ANKRD18B: variants seen among roughly 807,000 people sequenced by gnomAD.
ANKRD18B encodes ankyrin repeat domain-containing protein 18B.
In ANKRD18B, 75 loss-of-function variants were observed where a neutral mutation model predicts 111.8. The ratio of observed to expected loss-of-function variants is 0.67; its 90% CI spans 0.56 to 0.81. The LOEUF (loss-of-function observed/expected upper bound fraction) is 0.81. ANKRD18B is among the 40% of genes least tolerant of loss of function. The pLI is 0.00. For synonymous variants in ANKRD18B, 356 were observed against 417.3 expected (o/e 0.85, Z 1.79); for missense variants, 1,038 against 1,225.5 (o/e 0.85, Z 2.28).
At chr9:33,527,068 A>G (rs958230427) in intron 1 of ANKRD18B, among the ~76,000 whole-genome samples, 4 of 152,228 alleles carry the variant, frequency 2.6e-5, no homozygotes, top group Non-Finnish European at 5.9e-5. Flanking sequence ...TAAAATGGGA[A>G]TAGTAGGACT....
At chr9:33,531,790 GT>G (rs953082440) in intron 3 of ANKRD18B, among the ~76,000 whole-genome samples, 1 of 151,240 alleles carries the variant, frequency 6.6e-6, no homozygotes, top group Admixed American at 6.6e-5. Flanking sequence ...GAATTCAGAA[GT>G]TTTTTTAACT....
intron 17 of ANKRD18B, 139 bp downstream of exon 17, chr9:33,569,032 G>A: frequency 1.3e-6 from 1 of 774,484 alleles, no homozygotes. Flanking sequence ...AACACAGAAA[G>A]GAAATGGAAA....
Position 33,548,290 on chromosome 9 carries a change from T to C in ANKRD18B, c.1502T>C (p.Ile501Thr). The part of the protein sequence containing the change: ...ESLHSNLATA[I>T]NEYNEILERK... Reference sequence around the variant, plus strand: ...CTCCATTCTAACTTGGCCACTGCTATAAATGAGTACAATGAAATTTTGGAA... The same window carrying C: ...CTCCATTCTAACTTGGCCACTGCTACAAATGAGTACAATGAAATTTTGGAA... Residue 501 changes from isoleucine to threonine, a missense_variant, in exon 11 of 19, where the codon ATA (isoleucine) becomes ACA (threonine). Coordinates refer to ENST00000684830, the MANE Select transcript of ANKRD18B (RefSeq NM_001393611.1). The C allele has an allele frequency of 6.4e-7, 1 of 1,550,946 alleles. No individual in the cohort carries two copies. The highest frequency in any genetic ancestry group is 8.7e-7 in the Non-Finnish European group (1 of 1,146,630).
At chr9:33,555,953 T>C in intron 13 of ANKRD18B, 133 bp downstream of exon 13, 2 of 696,070 alleles carry the variant, frequency 2.9e-6, no homozygotes, top group Non-Finnish European at 4.1e-6. Context: ...TGTTTTAAAA[T>C]ATATTTCAGA....
At chr9:33,551,167 A>G (rs1248230315) in intron 12 of ANKRD18B, among the ~76,000 whole-genome samples, 2 of 152,238 alleles carry the variant, frequency 1.3e-5, no homozygotes, top group Non-Finnish European at 2.9e-5. Context: ...GATCTAATAG[A>G]GTATGTACAT....
chr9:33,534,420 T>A lies in ANKRD18B; in HGVS notation c.653T>A (p.Leu218His), dbSNP rs1308006279. ...VQHNLSSIVT[L>H]LLQQNIHISS... ...CATAACTTGTCAAGTATCGTCACCC[T>A]CCTGCTTCAACAAAATATACATATC... Residue 218 changes from leucine (L) to histidine (H), a missense_variant, in exon 5 of 19, where the codon CTC becomes CAC. Around this residue, in one of 4 missense-constraint regions of ANKRD18B, gnomAD observed 93 missense variants for 141.3 expected, o/e 0.66. Transcript: ENST00000684830. 1.3e-6 allele frequency: 2 copies of A among 1,551,026 alleles called. No individual in the cohort carries two copies. Among genetic ancestry groups the A allele is most frequent in the Admixed American group, 3.9e-5 (2 of 50,782 alleles).
chr9:33,568,894 G>A lies in ANKRD18B; in HGVS notation c.3177+1G>A. ...TAACTGCAAGAACTCCTTGACTGAG[G>A]TTAGTTATATGACCATTTCTCTTTT... On this transcript the variant is annotated splice_donor_variant, in intron 17 of 18. Transcript: ENST00000684830. LOFTEE classifies it high-confidence loss of function. 1 of 1,542,134 alleles carries A rather than the reference G, an allele frequency of 6.5e-7. No homozygotes were observed. Among genetic ancestry groups the A allele is most frequent in the South Asian group, 1.2e-5 (1 of 82,014 alleles).
chr9:33,545,606 G>A (rs1039847041), intron 10 of ANKRD18B, among the ~76,000 whole-genome samples: 19 of 152,186 alleles, frequency 1.2e-4, no homozygotes, highest in Admixed American at 7.9e-4. Context: ...CAGTCCCACT[G>A]CTAATATCTA....
At chr9:33,531,058 T>C (rs1468956011) in intron 3 of ANKRD18B, among the ~76,000 whole-genome samples, 2 of 152,212 alleles carry the variant, frequency 1.3e-5, no homozygotes, top group East Asian at 3.8e-4. Flanking sequence ...TTTGGCATTA[T>C]CGGGATGTCA....
At chr9:33,563,766 A>C (rs556704885) in intron 14 of ANKRD18B, among the ~76,000 whole-genome samples, 31 of 151,352 alleles carry the variant, frequency 2.0e-4, no homozygotes, top group Admixed American at 7.9e-4. Context: ...TACTTCAATC[A>C]TTTTTCATTT....
At chr9:33,556,248 A>G (rs1319485558) in intron 13 of ANKRD18B, among the ~76,000 whole-genome samples, 3 of 152,238 alleles carry the variant, frequency 2.0e-5, no homozygotes, top group South Asian at 4.2e-4. Flanking sequence ...ATGCCAAAAC[A>G]TTACACCTAT....
Position 33,543,201 on chromosome 9 carries a change from G to A in ANKRD18B, c.1095G>A (p.Val365=). ...TGTCAGCAGAACACAACTTAAAAGT[G>A]GCTTCAGAGGAAAAGCAAGAAAGGC... is the stretch of plus-strand genomic sequence containing the variant. ...KEGAKEHNLK[V]ASEEKQERLE... Residue 365 remains valine (V), a synonymous_variant, in exon 10 of 19, where the codon GTG becomes GTA. Coordinates refer to ENST00000684830, the MANE Select transcript of ANKRD18B (RefSeq NM_001393611.1). 1 of 1,552,474 alleles carries A rather than the reference G, an allele frequency of 6.4e-7. No individual in the cohort carries two copies. The highest frequency in any genetic ancestry group is 8.7e-7 in the Non-Finnish European group (1 of 1,147,180).
chr9:33,531,652 T>G (rs1313072284), intron 3 of ANKRD18B, among the ~76,000 whole-genome samples: 1 of 150,494 alleles, frequency 6.6e-6, no homozygotes, highest in Non-Finnish European at 1.5e-5. Flanking sequence ...TATAAGTATT[T>G]GAGTTTACAA....
intron 18 of ANKRD18B, chr9:33,572,011 A>T: frequency 3.0e-6 from 1 of 328,866 alleles, no homozygotes; most frequent in East Asian, 6.4e-5. Flanking sequence ...CTTTTAGGTT[A>T]TAGCATATGA....
chr9:33,551,827 C>A (rs545538895), intron 12 of ANKRD18B, among the ~76,000 whole-genome samples: 33 of 152,342 alleles, frequency 2.2e-4, no homozygotes, highest in African/African-American at 7.9e-4. Context: ...GTCCTTCCTG[C>A]CTTCTCAGTT....
downstream of ANKRD18B, among the ~76,000 whole-genome samples, chr9:33,575,286 C>T (rs987953073): frequency 3.3e-5 from 5 of 152,158 alleles, no homozygotes; most frequent in African/African-American, 1.2e-4. Context: ...CCAGAGACAA[C>T]CGCCCTACTT....
At chr9:33,556,320 A>G (rs899288034) in intron 13 of ANKRD18B, among the ~76,000 whole-genome samples, 60 of 151,622 alleles carry the variant, frequency 4.0e-4, no homozygotes, top group African/African-American at 1.3e-3. Context: ...CTGGAGTGCA[A>G]TGACGTGATC....
rs1308136537 is a variant in ANKRD18B at position 33,548,967 on chromosome 9, A to G, written c.2067+112A>G. 1.2e-5 allele frequency: 13 copies of G among 1,054,314 alleles called. No homozygotes were observed. The African/African-American group carries it at 1.8e-4, about 14-fold the overall frequency. 65.3% of individuals were successfully genotyped at this position (1,054,314 alleles called of 1,614,324 possible). On this transcript the variant is annotated intron_variant, in intron 11 of 18. Coordinates refer to ENST00000684830, the MANE Select transcript of ANKRD18B (RefSeq NM_001393611.1). ...ATAAATAGATGAAAATGTGTTTACC[A>G]TTCTGTATAATTCCATTTACATGAA...
At chr9:33,533,649 A>G in intron 4 of ANKRD18B, 104 bp downstream of exon 4, 1 of 1,424,746 alleles carries the variant, frequency 7.0e-7, no homozygotes, top group Non-Finnish European at 9.2e-7. Flanking sequence ...TTAAACTTAT[A>G]ATTATTGGCA....
Sources: allele counts gnomAD v4.1 joint callset (sites outside exome capture counted in the v4.1 genomes callset), GRCh38; gene constraint gnomAD v4.1.1; regional missense constraint gnomAD v4.1.1; transcripts MANE v1.5; gene names NCBI Gene and HGNC (gene_info 2026-07-23, HGNC 2026-07-21).